The following AGBL4 variants were observed in gnomAD, a reference collection of about 807,000 sequenced individuals.
AGBL4 encodes the protein cytosolic carboxypeptidase 6.
Under a neutral mutation model 66.4 loss-of-function variants are expected in AGBL4, and 58 were observed. The observed-to-expected ratio is 0.87, with a 90% confidence interval of 0.71 to 1.09. The LOEUF (loss-of-function observed/expected upper bound fraction) is 1.09. AGBL4 is among the 50% of genes least tolerant of loss of function. AGBL4 has a pLI of 0.00. For synonymous variants in AGBL4, 234 were observed against 222.9 expected, an observed-to-expected ratio of 1.05 and a Z score of -0.44; for missense variants, 579 against 631.0, an observed-to-expected ratio of 0.92 and a Z score of 0.88.
At chr1:49,846,669 C>A (rs574350866) in intron 2 of AGBL4, among the ~76,000 whole-genome samples, 2 of 152,016 alleles carry the variant, frequency 1.3e-5, no homozygotes, top group African/African-American at 4.8e-5. Context: ...AAGGAGGCAA[C>A]CCCATTTACA....
chr1:48,761,230 A>G, intron 6 of AGBL4: 3 of 1,203,838 alleles, frequency 2.5e-6, no homozygotes, highest in Non-Finnish European at 3.4e-6. Context: ...AGCCTGTGAT[A>G]CCAGGGGACA....
At chr1:48,982,294 C>A (rs1434712256) in intron 5 of AGBL4, among the ~76,000 whole-genome samples, 1 of 152,136 alleles carries the variant, frequency 6.6e-6, no homozygotes, top group African/African-American at 2.4e-5. Flanking sequence ...GTGCTGCACC[C>A]ATTAACTCGT....
chr1:49,786,492 A>G (rs1262911753), intron 2 of AGBL4, among the ~76,000 whole-genome samples: 2 of 152,160 alleles, frequency 1.3e-5, no homozygotes, highest in Non-Finnish European at 2.9e-5. Context: ...TTAAAGGTTA[A>G]GTATACCTTT....
At chr1:49,306,535 G>A (rs1487924170) in intron 3 of AGBL4, among the ~76,000 whole-genome samples, 1 of 152,122 alleles carries the variant, frequency 6.6e-6, no homozygotes, top group Non-Finnish European at 1.5e-5. Context: ...TGTGGTCATA[G>A]GTCCCATTCA....
chr1:49,857,534 C>A (rs112977288), intron 1 of AGBL4, among the ~76,000 whole-genome samples: 25 of 152,054 alleles, frequency 1.6e-4, no homozygotes, highest in Admixed American at 1.4e-3. Context: ...GATACATAGA[C>A]CCATGGAAGA....
intron 3 of AGBL4, among the ~76,000 whole-genome samples, chr1:49,569,281 C>A (rs575371436): frequency 6.6e-6 from 1 of 151,920 alleles, no homozygotes; most frequent in Non-Finnish European, 1.5e-5. Context: ...TACCATAAAA[C>A]CTAGAAAGAA....
At chr1:48,828,486 C>A (rs777676106) in intron 6 of AGBL4, among the ~76,000 whole-genome samples, 1 of 152,178 alleles carries the variant, frequency 6.6e-6, no homozygotes, top group Non-Finnish European at 1.5e-5. Context: ...CTCTGAGTTT[C>A]TTTACCATTT....
chr1:48,711,596 G>A (rs984932095), intron 6 of AGBL4, among the ~76,000 whole-genome samples: 6 of 152,170 alleles, frequency 3.9e-5, no homozygotes, highest in East Asian at 3.9e-4. Flanking sequence ...GCTCACCCCC[G>A]GGGCTGGATC....
intron 8 of AGBL4, among the ~76,000 whole-genome samples, chr1:48,637,164 C>T (rs1645680292): frequency 6.6e-6 from 1 of 152,040 alleles, no homozygotes; most frequent in South Asian, 2.1e-4. Context: ...CTCAAAAATG[C>T]TATATTGTTG....
At chr1:49,275,063 G>A (rs1020089617) in intron 3 of AGBL4, among the ~76,000 whole-genome samples, 6 of 151,976 alleles carry the variant, frequency 3.9e-5, no homozygotes, top group Non-Finnish European at 4.4e-5. Flanking sequence ...ATTTACATTT[G>A]TTCCATAAGA....
At chr1:49,765,896 A>G (rs1001566521) in intron 2 of AGBL4, among the ~76,000 whole-genome samples, 2 of 152,150 alleles carry the variant, frequency 1.3e-5, no homozygotes, top group Non-Finnish European at 2.9e-5. Context: ...AATGAAAAAA[A>G]ATGTTTTAAA....
intron 9 of AGBL4, among the ~76,000 whole-genome samples, chr1:48,594,307 A>G (rs1396950580): frequency 6.6e-6 from 1 of 152,206 alleles, no homozygotes; most frequent in East Asian, 1.9e-4. Context: ...CTGGGCAACA[A>G]GAGTGAAACT....
chr1:49,977,138 T>G (rs1354287364), intron 1 of AGBL4, among the ~76,000 whole-genome samples: 1 of 152,256 alleles, frequency 6.6e-6, no homozygotes, highest in East Asian at 1.9e-4. Flanking sequence ...CCCTCTATCT[T>G]TCATTCACTT....
chr1:49,645,214 T>G (rs1411375955), intron 3 of AGBL4, among the ~76,000 whole-genome samples: 1 of 151,462 alleles, frequency 6.6e-6, no homozygotes, highest in East Asian at 1.9e-4. Flanking sequence ...ACACTCAATG[T>G]AAGTAGAAAG....
intron 3 of AGBL4, among the ~76,000 whole-genome samples, chr1:49,269,468 C>A (rs1210838050): frequency 2.0e-5 from 3 of 152,158 alleles, no homozygotes; most frequent in African/African-American, 4.8e-5. Context: ...TGAATTGATA[C>A]AACCAGGCCT....
chr1:48,817,260 C>T (rs1030507643), intron 6 of AGBL4, among the ~76,000 whole-genome samples: 2 of 152,146 alleles, frequency 1.3e-5, no homozygotes, highest in African/African-American at 4.8e-5. Flanking sequence ...GTTTAGGCCT[C>T]AGCCTATCCA....
chr1:49,736,340 TTC>T (rs1254260048), intron 2 of AGBL4, among the ~76,000 whole-genome samples: 1 of 152,086 alleles, frequency 6.6e-6, no homozygotes, highest in African/African-American at 2.4e-5. Context: ...CTAATTTCTT[TTC>T]TTTTTTGTCT....
intron 4 of AGBL4, among the ~76,000 whole-genome samples, chr1:49,122,184 GC>G (rs1645668584): frequency 1.3e-5 from 2 of 152,180 alleles, no homozygotes; most frequent in South Asian, 4.1e-4. Context: ...GCAACGCCCT[GC>G]CCTGCTTTGC....
chr1:49,621,953 C>T (rs189440713), intron 3 of AGBL4, among the ~76,000 whole-genome samples: 29 of 152,304 alleles, frequency 1.9e-4, no homozygotes, highest in Admixed American at 3.9e-4. Context: ...CCATCTGTCA[C>T]ATTCTCATCA....
Sources: allele counts gnomAD v4.1 joint callset (sites outside exome capture counted in the v4.1 genomes callset), GRCh38; gene constraint gnomAD v4.1.1; transcripts MANE v1.5; gene names NCBI Gene and HGNC (gene_info 2026-07-23, HGNC 2026-07-21).